The following PTPRD variants were observed in gnomAD, a reference collection of about 807,000 sequenced individuals.
PTPRD encodes the protein protein tyrosine phosphatase receptor type D, also known as receptor-type tyrosine-protein phosphatase delta.
A neutral mutation model predicts 214.5 loss-of-function variants in PTPRD; 34 were observed. The ratio of observed to expected loss-of-function variants is 0.16; its 90% CI spans 0.12 to 0.21. The LOEUF is 0.21. Among genes scored for constraint, PTPRD ranks in the 10% least tolerant of loss-of-function variants. The probability of loss-of-function intolerance (pLI) is 1.00; values close to 1 mark genes in which losing one functional copy is unlikely to be tolerated. For missense variants in PTPRD, 2,545 were observed against 2,398.7 expected, an observed-to-expected ratio of 1.06 and a Z score of -1.27; for synonymous variants, 1,128 against 845.7, an observed-to-expected ratio of 1.33 and a Z score of -5.79.
intron 2 of PTPRD, among the ~76,000 whole-genome samples, chr9:10,562,735 C>G (rs1367258425): frequency 6.6e-6 from 1 of 152,052 alleles, no homozygotes; most frequent in Non-Finnish European, 1.5e-5. Context: ...ATAGAATAGT[C>G]CAAATGACAC....
chr9:8,707,918 G>A (rs957037509), intron 12 of PTPRD, among the ~76,000 whole-genome samples: 1 of 152,110 alleles, frequency 6.6e-6, no homozygotes, highest in African/African-American at 2.4e-5. Flanking sequence ...TGATCATAGT[G>A]CAAGTTTCCT....
intron 5 of PTPRD, among the ~76,000 whole-genome samples, chr9:9,921,976 G>T (rs146510044): frequency 6.6e-6 from 1 of 152,094 alleles, no homozygotes. Context: ...TCGTTGTAAA[G>T]TCATACACTT....
rs1009398610 is a variant in PTPRD at position 8,702,155 on chromosome 9, C to T, written c.64+31625G>A. Among the ~76,000 whole-genome samples, 4 of 151,532 alleles carry T rather than the reference C, an allele frequency of 2.6e-5. No homozygotes were observed. In the East Asian group the frequency reaches 5.8e-4, roughly 22 times the overall value. On this transcript the variant is annotated intron_variant, in intron 12 of 45. Coordinates refer to ENST00000381196, the MANE Select transcript of PTPRD (RefSeq NM_002839.4). ...CATAGCTTTTAATTTCCCTGTCAGA[C>T]GGTTGCTTGGATTTTTCTGGAATTT...
At chr9:9,024,543 G>T (rs977057164) in intron 10 of PTPRD, among the ~76,000 whole-genome samples, 6 of 151,496 alleles carry the variant, frequency 4.0e-5, no homozygotes, top group African/African-American at 1.5e-4. Flanking sequence ...ACTCCTACAA[G>T]CAAGATAGGA....
At chr9:9,522,775 A>G (rs1032783944) in intron 8 of PTPRD, among the ~76,000 whole-genome samples, 1 of 152,232 alleles carries the variant, frequency 6.6e-6, no homozygotes, top group Non-Finnish European at 1.5e-5. Flanking sequence ...GAATTCTGAA[A>G]CTTAAGGCTC....
intron 3 of PTPRD, among the ~76,000 whole-genome samples, chr9:10,145,943 G>A (rs1012215329): frequency 2.7e-5 from 4 of 150,890 alleles, no homozygotes; most frequent in African/African-American, 9.9e-5. Flanking sequence ...ATGTATGCAT[G>A]TTTATAAACA....
rs562337673 is a variant in PTPRD, at chr9:9,838,979, A to C, written c.-367-72128T>G. Among the ~76,000 whole-genome samples the C allele has an allele frequency of 5.1e-3, 782 of 152,178 alleles. 4 individuals carry two copies. The highest frequency in any genetic ancestry group is 8.5e-3 in the Non-Finnish European group (575 of 68,014). On this transcript the variant is annotated intron_variant, in intron 5 of 45. Transcript: ENST00000381196. Reference sequence around the variant, plus strand: ...GGAAGGGATCCAGTTTCAGCTTTCTACATATGGCTAGCCAGTTTTCCCAGC... The same window carrying C: ...GGAAGGGATCCAGTTTCAGCTTTCTCCATATGGCTAGCCAGTTTTCCCAGC...
At chr9:8,902,325 C>T (rs1282743834) in intron 11 of PTPRD, among the ~76,000 whole-genome samples, 1 of 146,750 alleles carries the variant, frequency 6.8e-6, no homozygotes, top group Admixed American at 7.0e-5. Flanking sequence ...TGGCATTTTT[C>T]TTTTCTTTTC....
intron 7 of PTPRD, among the ~76,000 whole-genome samples, chr9:9,709,334 T>C (rs1248232583): frequency 1.3e-5 from 2 of 151,996 alleles, no homozygotes; most frequent in East Asian, 3.8e-4. Context: ...TGACTTTCTA[T>C]AACTTTCTCA....
At chr9:8,739,737 C>G (rs1042972941) in intron 11 of PTPRD, among the ~76,000 whole-genome samples, 1 of 152,154 alleles carries the variant, frequency 6.6e-6, no homozygotes, top group Non-Finnish European at 1.5e-5. Flanking sequence ...GTGTCCCCAC[C>G]CAAATCTCAT....
chr9:8,811,527 C>G (rs371711305), intron 11 of PTPRD, among the ~76,000 whole-genome samples: 1 of 152,136 alleles, frequency 6.6e-6, no homozygotes. Flanking sequence ...CAAGCCCAAT[C>G]GGGAAACAGT....
chr9:9,364,812 C>T (rs768419370), intron 9 of PTPRD, among the ~76,000 whole-genome samples: 86 of 151,524 alleles, frequency 5.7e-4, no homozygotes, highest in Admixed American at 1.1e-3. Context: ...GACCTGACTT[C>T]ATTTCGGAAG....
chr9:9,274,691 C>A (rs1425445436), intron 9 of PTPRD, among the ~76,000 whole-genome samples: 1 of 150,890 alleles, frequency 6.6e-6, no homozygotes, highest in Non-Finnish European at 1.5e-5. Flanking sequence ...TGGTTTATAC[C>A]CACAATTTGT....
chr9:10,287,868 T>C (rs1026537619), intron 3 of PTPRD, among the ~76,000 whole-genome samples: 5 of 151,844 alleles, frequency 3.3e-5, no homozygotes, highest in African/African-American at 1.2e-4. Context: ...ATGACCAACA[T>C]AGTGTTTTGC....
chr9:10,284,743 T>A (rs1423732471), intron 3 of PTPRD, among the ~76,000 whole-genome samples: 1 of 152,038 alleles, frequency 6.6e-6, no homozygotes, highest in African/African-American at 2.4e-5. Flanking sequence ...CTTGCAGTTG[T>A]ACAACTCATG....
At chr9:10,425,145 C>G (rs2098600727) in intron 2 of PTPRD, among the ~76,000 whole-genome samples, 1 of 151,818 alleles carries the variant, frequency 6.6e-6, no homozygotes, top group African/African-American at 2.4e-5. Context: ...AAATCAACTC[C>G]AGAGACCAGT....
intron 9 of PTPRD, among the ~76,000 whole-genome samples, chr9:9,194,339 T>G (rs914095582): frequency 6.6e-6 from 1 of 152,342 alleles, no homozygotes; most frequent in Admixed American, 6.5e-5. Flanking sequence ...AAGTATAGCA[T>G]AGTTAATACA....
chr9:9,247,445 A>G (rs912133532), intron 9 of PTPRD, among the ~76,000 whole-genome samples: 1 of 152,102 alleles, frequency 6.6e-6, no homozygotes, highest in Non-Finnish European at 1.5e-5. Context: ...TTGATTATAT[A>G]CATTTGTTAT....
intron 30 of PTPRD, among the ~76,000 whole-genome samples, chr9:8,478,613 C>T (rs961975499): frequency 4.5e-4 from 69 of 152,268 alleles, no homozygotes; most frequent in Admixed American, 1.6e-3. Flanking sequence ...TTCTGAACAA[C>T]AGTAGCACTG....
Sources: gnomAD v4.1 joint callset for allele counts (sites outside exome capture counted in the v4.1 genomes callset) on GRCh38, gnomAD v4.1.1 for gene constraint, MANE v1.5 for transcripts, NCBI Gene and HGNC (gene_info 2026-07-23, HGNC 2026-07-21) for gene names.